The following NUGGC variants were observed in gnomAD, a reference collection of about 807,000 sequenced individuals.
The protein encoded by NUGGC is nuclear GTPase, germinal center associated, also known as nuclear GTPase SLIP-GC.
NUGGC carries 58 observed loss-of-function variants against 92.6 expected under a neutral mutation model. The observed-to-expected ratio is 0.63, with a 90% CI of 0.51 to 0.78. NUGGC has a LOEUF of 0.78. Among genes scored for constraint, NUGGC ranks in the 30% least tolerant of loss-of-function variants. The probability of loss-of-function intolerance (pLI) is 0.00; values close to 1 mark genes in which losing one functional copy is unlikely to be tolerated. For synonymous variants in NUGGC, 376 were observed against 366.4 expected (o/e 1.03, Z -0.30); for missense variants, 925 against 964.6 (o/e 0.96, Z 0.54).
At chr8:28,034,045 G>A (rs1000308304) in intron 13 of NUGGC, among the ~76,000 whole-genome samples, 5 of 152,130 alleles carry the variant, frequency 3.3e-5, no homozygotes, top group Non-Finnish European at 5.9e-5. Flanking sequence ...CTCAACATCT[G>A]GGAATAACTT....
intron 6 of NUGGC, 60 bp downstream of exon 6, chr8:28,067,454 G>T: frequency 9.1e-7 from 1 of 1,101,678 alleles, no homozygotes; most frequent in Non-Finnish European, 1.4e-6. Flanking sequence ...CCTGAAACAG[G>T]TTCAACTGTT....
At chr8:28,025,442 G>A (rs1284397873) in intron 18 of NUGGC, among the ~76,000 whole-genome samples, 3 of 152,216 alleles carry the variant, frequency 2.0e-5, no homozygotes, top group Admixed American at 6.5e-5. Flanking sequence ...CAGAGACAGA[G>A]TGGTTATTCA....
chr8:28,063,801 G>A (rs1253003271), intron 7 of NUGGC, among the ~76,000 whole-genome samples: 1 of 152,172 alleles, frequency 6.6e-6, no homozygotes, highest in Non-Finnish European at 1.5e-5. Context: ...GGATTCTTTG[G>A]CAGCTGCTGT....
At chr8:28,044,508 C>G (rs1324152144) in intron 12 of NUGGC, among the ~76,000 whole-genome samples, 1 of 152,156 alleles carries the variant, frequency 6.6e-6, no homozygotes, top group Admixed American at 6.5e-5. Flanking sequence ...GACGGGCTAG[C>G]TAAAAGCAGA....
rs1037208725 is a variant in NUGGC, at chr8:28,022,960, A to T, written c.*357T>A. 1 of 166,496 alleles carries T rather than the reference A, an allele frequency of 6.0e-6. No individual in the cohort carries two copies. Among genetic ancestry groups the T allele is most frequent in the Admixed American group, 5.9e-5 (1 of 16,832 alleles). The allele number at this position is 166,496 out of a possible 1,614,324, so 10.3% of individuals were successfully genotyped here. A position where few individuals can be genotyped will look rare whatever the true frequency, so the allele number is the denominator to read the frequency against. Reference sequence around the variant, plus strand: ...GTGGCAGTCGCCTATAATCCCAGCTACTTGGGAGGCTGAGGCAGAGAATTT... The same window carrying T: ...GTGGCAGTCGCCTATAATCCCAGCTTCTTGGGAGGCTGAGGCAGAGAATTT... On this transcript the variant is annotated 3_prime_UTR_variant, in exon 19 of 19. Transcript: ENST00000413272.
At chr8:28,046,169 T>C (rs996193797) in intron 11 of NUGGC, among the ~76,000 whole-genome samples, 1 of 152,190 alleles carries the variant, frequency 6.6e-6, no homozygotes, top group Non-Finnish European at 1.5e-5. Flanking sequence ...AGATAATAGA[T>C]GCCACTCTAC....
intron 13 of NUGGC, among the ~76,000 whole-genome samples, chr8:28,037,929 C>T (rs903830115): frequency 6.6e-6 from 1 of 152,120 alleles, no homozygotes; most frequent in Admixed American, 6.6e-5. Flanking sequence ...AAGCATGATC[C>T]GGTCCCAGAT....
chr8:28,059,748 G>A (rs2130205482), intron 8 of NUGGC, among the ~76,000 whole-genome samples: 1 of 152,302 alleles, frequency 6.6e-6, no homozygotes, highest in Non-Finnish European at 1.5e-5. Context: ...TGGGCTGGGT[G>A]CAGTGGCTCA....
At chr8:28,032,062 CTCTT>C (rs1252179598) in intron 14 of NUGGC, among the ~76,000 whole-genome samples, 1 of 152,212 alleles carries the variant, frequency 6.6e-6, no homozygotes, top group Non-Finnish European at 1.5e-5. Flanking sequence ...TAGCTGCTCT[CTCTT>C]TGCCACCTGC....
At chr8:28,036,046 CT>C (rs34729732) in intron 13 of NUGGC, among the ~76,000 whole-genome samples, 13,030 of 149,064 alleles carry the variant, frequency 0.087, 809 homozygotes, top group East Asian at 0.26. Context: ...CCATGCCCAA[CT>C]TTTTTTTTTA....
intron 1 of NUGGC, among the ~76,000 whole-genome samples, chr8:28,080,398 C>A (rs1810822274): frequency 6.6e-6 from 1 of 152,198 alleles, no homozygotes; most frequent in South Asian, 2.1e-4. Context: ...TTCTTTTCCC[C>A]TAGTTATTCT....
intron 13 of NUGGC, among the ~76,000 whole-genome samples, chr8:28,036,558 C>T (rs1210898968): frequency 6.6e-6 from 1 of 152,188 alleles, no homozygotes; most frequent in Non-Finnish European, 1.5e-5. Context: ...CAGTTGTGAA[C>T]ATATTGCTTC....
At position 28,045,358 on chromosome 8, in the gene NUGGC, G is replaced by T. The variant is rs1205695972; in HGVS notation, c.1446+169C>A. On this transcript the variant is annotated intron_variant, in intron 12 of 18. Coordinates refer to ENST00000413272, the MANE Select transcript of NUGGC (RefSeq NM_001010906.2). ...TTACTCCTTTCTCTTTTACCCAAAT[G>T]TTATGATTTTAACCCTCTAATTATC... Among the ~76,000 whole-genome samples the T allele has an allele frequency of 7.2e-5, 11 of 152,130 alleles. No individual in the cohort carries two copies. In the East Asian group the frequency reaches 2.1e-3, roughly 29 times the overall value.
At chr8:28,047,171 T>C (rs1023628892) in intron 11 of NUGGC, among the ~76,000 whole-genome samples, 2 of 152,078 alleles carry the variant, frequency 1.3e-5, no homozygotes, top group South Asian at 2.1e-4. Context: ...GGTTTCACCA[T>C]GTTTGTCAGG....
At chr8:28,064,023 G>A (rs889674214) in intron 7 of NUGGC, among the ~76,000 whole-genome samples, 3 of 152,162 alleles carry the variant, frequency 2.0e-5, no homozygotes, top group Non-Finnish European at 4.4e-5. Context: ...TTCCAGGCAT[G>A]TCTTCCATAG....
rs148801737 is a variant in NUGGC at position 28,061,318 on chromosome 8, T to C, written c.922-717A>G. ...ACATGAAACAACATAATGGCATGAA[T>C]GTTGCTTTATTAAATATGCAACTTT... On this transcript the variant is annotated intron_variant, in intron 7 of 18. Coordinates refer to ENST00000413272, the MANE Select transcript of NUGGC (RefSeq NM_001010906.2). 1.1e-3 allele frequency among the ~76,000 whole-genome samples: 160 copies of C among 152,372 alleles called. 1 individual carries two copies. In the Middle Eastern group the frequency reaches 0.017, roughly 16 times the overall value.
intron 12 of NUGGC, among the ~76,000 whole-genome samples, chr8:28,043,237 GAAC>G (rs529229351): frequency 8.4e-4 from 128 of 152,102 alleles, no homozygotes; most frequent in African/African-American, 3.1e-3. Flanking sequence ...GAGAATAAAA[GAAC>G]AATAAGAAAC....
chr8:28,025,188 G>A (rs1809225970), intron 18 of NUGGC, among the ~76,000 whole-genome samples: 1 of 152,224 alleles, frequency 6.6e-6, no homozygotes, highest in Non-Finnish European at 1.5e-5. Flanking sequence ...CGCTTGCTGA[G>A]TGAATGTAAA....
At chr8:28,037,412 G>C (rs929642427) in intron 13 of NUGGC, among the ~76,000 whole-genome samples, 108 of 152,130 alleles carry the variant, frequency 7.1e-4, no homozygotes, top group African/African-American at 2.5e-3. Flanking sequence ...TGCCTTCCCT[G>C]CCCCTCCACT....
Sources: allele counts gnomAD v4.1 joint callset (sites outside exome capture counted in the v4.1 genomes callset), GRCh38; gene constraint gnomAD v4.1.1; transcripts MANE v1.5; gene names NCBI Gene and HGNC (gene_info 2026-07-23, HGNC 2026-07-21).